Variants in C11orf65 observed in about 807,000 individuals in gnomAD.
C11orf65 encodes chromosome 11 open reading frame 65, also known as protein MFI.
C11orf65 carries 38 observed loss-of-function variants against 35.3 expected under a neutral mutation model. The ratio of observed to expected loss-of-function variants is 1.08; its 90% CI spans 0.83 to 1.41. The LOEUF is 1.41. Ranked by LOEUF, C11orf65 falls within the 40% of genes most tolerant of loss-of-function variation. C11orf65 has a pLI of 0.00. For missense variants in C11orf65, 370 were observed against 367.1 expected (o/e 1.01, Z -0.06); for synonymous variants, 105 against 114.4 (o/e 0.92, Z 0.53).
At chr11:108,434,244 G>T (rs896121069) in intron 2 of C11orf65, among the ~76,000 whole-genome samples, 5 of 151,988 alleles carry the variant, frequency 3.3e-5, no homozygotes, top group Non-Finnish European at 5.9e-5. Flanking sequence ...GTGGCTCATA[G>T]CTGTAATCCC....
chr11:108,330,783 A>T (rs2086167890), downstream of C11orf65, among the ~76,000 whole-genome samples: 1 of 152,188 alleles, frequency 6.6e-6, no homozygotes, highest in East Asian at 1.9e-4. Flanking sequence ...TGATGTGATC[A>T]CAGGTGGGTT....
rs933332341 is a variant in C11orf65, at chr11:108,383,080, T to G, written c.883A>C (p.Asn295His). 2 of 1,612,020 alleles carry G rather than the reference T, an allele frequency of 1.2e-6. No homozygotes were observed. The highest frequency in any genetic ancestry group is 1.7e-6 in the Non-Finnish European group (2 of 1,178,906). Residue 295 changes from asparagine (N) to histidine (H), a missense_variant, in exon 9 of 9, where the codon AAT becomes CAT. By Grantham distance (68) the Asn-to-His change is moderately conservative. Transcript: ENST00000393084. ...GTTACATTTGGTTCTTGATAAACAT[T>G]TTCATAGTAAGTATCATCTGGTATT... Reference protein sequence around the residue: ...MGIPDDTYYENVYQEPNVTRL... With the variant: ...MGIPDDTYYEHVYQEPNVTRL...
intron 6 of C11orf65, chr11:108,312,568 C>T: frequency 9.1e-7 from 1 of 1,096,250 alleles, no homozygotes; most frequent in South Asian, 1.3e-5. Flanking sequence ...GTTATAGACA[C>T]TGTACAGATG....
At chr11:108,426,386 C>G (rs991871505) in intron 3 of C11orf65, among the ~76,000 whole-genome samples, 2 of 152,062 alleles carry the variant, frequency 1.3e-5, no homozygotes, top group Middle Eastern at 3.2e-3. Flanking sequence ...AATGAGTGAG[C>G]TCTCATTCAC....
At chr11:108,433,536 C>A (rs897730345) in intron 2 of C11orf65, among the ~76,000 whole-genome samples, 1 of 151,998 alleles carries the variant, frequency 6.6e-6, no homozygotes, top group Non-Finnish European at 1.5e-5. Flanking sequence ...GCAGAGATCA[C>A]GCCACTGCAC....
At chr11:108,342,928 G>T (rs943118256) in intron 2 of C11orf65, among the ~76,000 whole-genome samples, 6 of 152,172 alleles carry the variant, frequency 3.9e-5, no homozygotes, top group Non-Finnish European at 7.3e-5. Flanking sequence ...ACTAAGTATG[G>T]ATTAATGACA....
At chr11:108,427,295 A>G (rs554515622) in intron 3 of C11orf65, among the ~76,000 whole-genome samples, 71 of 151,928 alleles carry the variant, frequency 4.7e-4, no homozygotes, top group Non-Finnish European at 8.4e-4. Flanking sequence ...TCCATCTCAC[A>G]AAGGGCTAAT....
At chr11:108,408,659 G>A (rs928605477) in intron 3 of C11orf65, among the ~76,000 whole-genome samples, 5 of 84,258 alleles carry the variant, frequency 5.9e-5, no homozygotes, top group Admixed American at 3.3e-4. Flanking sequence ...CTGGGCAACA[G>A]AGACTCTGTC....
chr11:108,457,955 C>T (rs1404737588), intron 2 of C11orf65, among the ~76,000 whole-genome samples: 2 of 151,994 alleles, frequency 1.3e-5, no homozygotes, highest in Non-Finnish European at 2.9e-5. Context: ...CTCTTCACAT[C>T]TTAGAACAAT....
At chr11:108,320,485 G>A (rs956185533) in intron 6 of C11orf65, among the ~76,000 whole-genome samples, 10 of 152,170 alleles carry the variant, frequency 6.6e-5, no homozygotes, top group South Asian at 2.1e-4. Context: ...TTTTAAAGCC[G>A]TAGTGACTTA....
At chr11:108,369,251 G>T (rs186519484) in intron 2 of C11orf65, 12 of 153,856 alleles carry the variant, frequency 7.8e-5, no homozygotes, top group African/African-American at 2.9e-4. Context: ...TGACCACGCA[G>T]TGTGAACCGG....
chr11:108,348,459 AATATATC>A (rs1412254351), intron 2 of C11orf65, among the ~76,000 whole-genome samples: 1 of 151,300 alleles, frequency 6.6e-6, no homozygotes, highest in Non-Finnish European at 1.5e-5. Flanking sequence ...ATAGCTAAGA[AATATATC>A]AAGTTTTGTA....
At chr11:108,460,889 C>T (rs2093466312) in intron 2 of C11orf65, among the ~76,000 whole-genome samples, 1 of 152,126 alleles carries the variant, frequency 6.6e-6, no homozygotes, top group Non-Finnish European at 1.5e-5. Context: ...CCACACCCAG[C>T]TAATTTTGTA....
chr11:108,469,337 T>C (rs1334988536), upstream of C11orf65, among the ~76,000 whole-genome samples: 1 of 151,832 alleles, frequency 6.6e-6, no homozygotes, highest in Non-Finnish European at 1.5e-5. Flanking sequence ...AATTTAAAAA[T>C]TTTAAATTAA....
intron 2 of C11orf65, among the ~76,000 whole-genome samples, chr11:108,440,052 G>GT: frequency 6.6e-6 from 1 of 152,290 alleles, no homozygotes; most frequent in East Asian, 1.9e-4. Flanking sequence ...AAACAAAAGT[G>GT]TAAGTGAAAT....
chr11:108,373,700 C>T (rs999607797), intron 2 of C11orf65, among the ~76,000 whole-genome samples: 15 of 152,188 alleles, frequency 9.9e-5, no homozygotes, highest in African/African-American at 1.9e-4. Flanking sequence ...GCGCACCGTG[C>T]GCCAGCCGAA....
At chr11:108,446,508 C>A (rs2093261665) in intron 2 of C11orf65, among the ~76,000 whole-genome samples, 1 of 151,584 alleles carries the variant, frequency 6.6e-6, no homozygotes, top group African/African-American at 2.4e-5. Flanking sequence ...ATTTTCAACC[C>A]AGAATTTCAT....
At chr11:108,311,350 G>T (rs1565491916) in intron 6 of C11orf65, among the ~76,000 whole-genome samples, 5 of 152,200 alleles carry the variant, frequency 3.3e-5, no homozygotes, top group Admixed American at 3.3e-4. Context: ...TCGGTAGGAA[G>T]CCTTATATTT....
At chr11:108,365,577 GC>G in intron 2 of C11orf65, 1 of 1,522,912 alleles carries the variant, frequency 6.6e-7, no homozygotes, top group Non-Finnish European at 8.9e-7. Context: ...TTTTTAACCT[GC>G]CAACATACTT....
Sources: gnomAD v4.1 joint callset for allele counts (sites outside exome capture counted in the v4.1 genomes callset) on GRCh38, gnomAD v4.1.1 for gene constraint, MANE v1.5 for transcripts, NCBI Gene and HGNC (gene_info 2026-07-23, HGNC 2026-07-21) for gene names.